SKAP2: variants seen among roughly 807,000 people sequenced by gnomAD.
SKAP2 encodes src kinase-associated phosphoprotein 2.
In SKAP2, 28 loss-of-function variants were observed where a neutral mutation model predicts 54.9. The ratio of observed to expected loss-of-function variants is 0.51; its 90% CI spans 0.38 to 0.70. The LOEUF (loss-of-function observed/expected upper bound fraction) is 0.70. Ranked by LOEUF, SKAP2 falls within the 30% of genes least tolerant of loss-of-function variation. The pLI is 0.00. For missense variants in SKAP2, 356 were observed against 424.1 expected, an observed-to-expected ratio of 0.84 and a Z score of 1.41; for synonymous variants, 137 against 134.3, an observed-to-expected ratio of 1.02 and a Z score of -0.14.
intron 9 of SKAP2, among the ~76,000 whole-genome samples, chr7:26,701,974 G>A (rs1206533077): frequency 6.6e-6 from 1 of 152,042 alleles, no homozygotes; most frequent in Non-Finnish European, 1.5e-5. Flanking sequence ...CTTAGCAAAT[G>A]TGTGTGGGTA....
At chr7:26,761,733 T>C (rs1246095571) in intron 4 of SKAP2, among the ~76,000 whole-genome samples, 3 of 152,164 alleles carry the variant, frequency 2.0e-5, no homozygotes, top group Non-Finnish European at 4.4e-5. Context: ...ACCCTGTCTC[T>C]ACTAAAAATA....
chr7:26,759,327 C>G (rs1359642748), intron 4 of SKAP2, among the ~76,000 whole-genome samples: 1 of 152,154 alleles, frequency 6.6e-6, no homozygotes, highest in Non-Finnish European at 1.5e-5. Flanking sequence ...AGCAACCGCA[C>G]AAGTTATGTC....
intron 4 of SKAP2, among the ~76,000 whole-genome samples, chr7:26,770,676 C>G (rs756493497): frequency 1.3e-5 from 2 of 152,144 alleles, no homozygotes; most frequent in African/African-American, 4.8e-5. Context: ...CCTCATGGCA[C>G]AGTCCCTCAC....
At chr7:26,728,202 A>G (rs911101519) in intron 6 of SKAP2, among the ~76,000 whole-genome samples, 2 of 152,160 alleles carry the variant, frequency 1.3e-5, no homozygotes, top group Admixed American at 1.3e-4. Context: ...AATAAACTCT[A>G]TGTTTTTCAC....
chr7:26,771,968 C>T (rs1783200028), intron 4 of SKAP2, among the ~76,000 whole-genome samples: 1 of 152,080 alleles, frequency 6.6e-6, no homozygotes, highest in Non-Finnish European at 1.5e-5. Flanking sequence ...TCTTCCTATT[C>T]CTATCGCCTG....
chr7:26,859,108 T>G (rs1785232292), intron 1 of SKAP2, among the ~76,000 whole-genome samples: 1 of 151,860 alleles, frequency 6.6e-6, no homozygotes, highest in Non-Finnish European at 1.5e-5. Context: ...AAAATAAAGG[T>G]AAAACCAATC....
At chr7:26,728,945 T>C (rs892912812) in intron 6 of SKAP2, among the ~76,000 whole-genome samples, 4 of 152,066 alleles carry the variant, frequency 2.6e-5, no homozygotes, top group African/African-American at 9.7e-5. Context: ...TCTAAAATTC[T>C]CATCAATGTA....
chr7:26,804,140 G>A (rs1396245813), intron 4 of SKAP2, among the ~76,000 whole-genome samples: 2 of 152,128 alleles, frequency 1.3e-5, no homozygotes, highest in African/African-American at 2.4e-5. Context: ...GAACTCAAAG[G>A]ATAAATGCTT....
intron 4 of SKAP2, among the ~76,000 whole-genome samples, chr7:26,809,832 TAGCCAAGATACGGAATC>T (rs1367431155): frequency 6.6e-6 from 1 of 152,162 alleles, no homozygotes; most frequent in Non-Finnish European, 1.5e-5. Context: ...TTATTCACAA[TAGCCAAGATACGGAATC>T]AGCCTAAGTG....
chr7:26,789,639 G>A (rs890914934), intron 4 of SKAP2, among the ~76,000 whole-genome samples: 4 of 151,968 alleles, frequency 2.6e-5, no homozygotes, highest in Non-Finnish European at 5.9e-5. Flanking sequence ...ATAACTCTTG[G>A]TCATCATAGG....
At chr7:26,853,722 A>T (rs1785097461) in intron 3 of SKAP2, among the ~76,000 whole-genome samples, 1 of 152,170 alleles carries the variant, frequency 6.6e-6, no homozygotes, top group Non-Finnish European at 1.5e-5. Flanking sequence ...ATTACCTGTG[A>T]GCACTCAGCC....
At chr7:26,809,370 A>T (rs1263654180) in intron 4 of SKAP2, among the ~76,000 whole-genome samples, 1 of 151,928 alleles carries the variant, frequency 6.6e-6, no homozygotes, top group East Asian at 1.9e-4. Context: ...CCAAGATCGC[A>T]CCATTGCACT....
chr7:26,724,476 T>C lies in SKAP2; in HGVS notation c.796+952A>G, dbSNP rs144190420. Among the ~76,000 whole-genome samples, 389 of 152,318 alleles carry C rather than the reference T, an allele frequency of 2.6e-3. 3 individuals are homozygous for C. Among genetic ancestry groups the C allele is most frequent in the Middle Eastern group, 6.8e-3 (2 of 294 alleles). ...TCCATACTCTTGGTATTATGCTGTATTGTCTTGAAAATGACATTTGTACAT... is the reference window on the plus strand; with the variant it reads ...TCCATACTCTTGGTATTATGCTGTACTGTCTTGAAAATGACATTTGTACAT... On this transcript the variant is annotated intron_variant, in intron 9 of 12. Transcript: ENST00000345317.
downstream of SKAP2, among the ~76,000 whole-genome samples, chr7:26,665,575 AATAAT>A (rs1246360409): frequency 2.6e-5 from 4 of 152,180 alleles, no homozygotes; most frequent in Non-Finnish European, 4.4e-5. Context: ...GCTGGCAATA[AATAAT>A]ATGTTTGTGT....
chr7:26,716,675 C>T (rs1440705635), intron 9 of SKAP2, among the ~76,000 whole-genome samples: 5 of 152,048 alleles, frequency 3.3e-5, no homozygotes, highest in African/African-American at 4.8e-5. Context: ...CATTGTTTTA[C>T]GTGGTCACCT....
chr7:26,707,553 T>G (rs1787191149), intron 9 of SKAP2, among the ~76,000 whole-genome samples: 1 of 152,140 alleles, frequency 6.6e-6, no homozygotes, highest in Non-Finnish European at 1.5e-5. Flanking sequence ...ACTTATGGCT[T>G]AGGAATTCAA....
chr7:26,822,083 T>A (rs187293409), intron 4 of SKAP2, among the ~76,000 whole-genome samples: 10 of 152,328 alleles, frequency 6.6e-5, no homozygotes, highest in Non-Finnish European at 1.3e-4. Flanking sequence ...TCATCCATTA[T>A]CACCTCTGTT....
At chr7:26,716,522 T>C (rs533652161) in intron 9 of SKAP2, among the ~76,000 whole-genome samples, 12 of 152,332 alleles carry the variant, frequency 7.9e-5, no homozygotes, top group African/African-American at 2.6e-4. Flanking sequence ...CCAAGAAGAA[T>C]AGTGCTAGAC....
chr7:26,807,456 C>T (rs1584401517), intron 4 of SKAP2, among the ~76,000 whole-genome samples: 1 of 152,172 alleles, frequency 6.6e-6, no homozygotes, highest in Admixed American at 6.5e-5. Flanking sequence ...TCTCCTTCCA[C>T]CTTGTGAAGA....
Sources: allele counts gnomAD v4.1 joint callset (sites outside exome capture counted in the v4.1 genomes callset), GRCh38; gene constraint gnomAD v4.1.1; transcripts MANE v1.5; gene names NCBI Gene and HGNC (gene_info 2026-07-23, HGNC 2026-07-21).